FAIM: variants seen among roughly 807,000 people sequenced by gnomAD.
The protein encoded by FAIM is Fas apoptotic inhibitory molecule.
In FAIM, 14 loss-of-function variants were observed where a neutral mutation model predicts 21.2. The observed-to-expected ratio is 0.66, with a 90% CI of 0.44 to 1.03. The LOEUF (loss-of-function observed/expected upper bound fraction) is 1.03, where lower values mean the gene tolerates loss of function less well. Ranked by LOEUF, FAIM falls within the 50% of genes least tolerant of loss-of-function variation. The pLI, the probability that FAIM is intolerant of heterozygous loss-of-function variation, is 0.00. For synonymous variants in FAIM, 86 were observed against 80.4 expected (o/e 1.07, Z -0.37); for missense variants, 222 against 247.1 (o/e 0.90, Z 0.68).
At position 138,633,218 on chromosome 3, in the gene FAIM, G is replaced by A; in HGVS notation, c.*139G>A. Reference sequence around the variant, plus strand: ...AAGTTACATGAAACTAACATTCCAAGGGTCAGGAAAAAAACCAATTATGTA... The same window carrying A: ...AAGTTACATGAAACTAACATTCCAAAGGTCAGGAAAAAAACCAATTATGTA... On this transcript the variant is annotated 3_prime_UTR_variant, in exon 6 of 6. Transcript: ENST00000360570. 1.4e-6 allele frequency: 1 copy of A among 717,282 alleles called. No individual in the cohort carries two copies. The highest frequency in any genetic ancestry group is 2.0e-6 in the Non-Finnish European group (1 of 492,922). The allele number at this position is 717,282 out of a possible 1,614,324, so 44.4% of individuals were successfully genotyped here.
intron 1 of FAIM, among the ~76,000 whole-genome samples, chr3:138,612,087 T>G (rs566980093): frequency 2.0e-5 from 3 of 148,704 alleles, no homozygotes; most frequent in Non-Finnish European, 3.0e-5. Flanking sequence ...TGTCATTTTT[T>G]GTCTGGCTAT....
chr3:138,631,934 T>C (rs550908464), intron 5 of FAIM, among the ~76,000 whole-genome samples: 18 of 152,232 alleles, frequency 1.2e-4, no homozygotes, highest in African/African-American at 4.3e-4. Context: ...GTGCCTTCTT[T>C]GGCTTGGTTT....
intron 4 of FAIM, among the ~76,000 whole-genome samples, chr3:138,627,790 C>T (rs1430472958): frequency 6.6e-6 from 1 of 152,078 alleles, no homozygotes; most frequent in Non-Finnish European, 1.5e-5. Context: ...TTCTCTTTTT[C>T]CATCTAGCGC....
intron 4 of FAIM, among the ~76,000 whole-genome samples, chr3:138,624,490 A>T (rs1411266143): frequency 6.6e-6 from 1 of 152,056 alleles, no homozygotes; most frequent in Non-Finnish European, 1.5e-5. Flanking sequence ...GCAATCCCTC[A>T]TGAGCCTGGA....
intron 1 of FAIM, among the ~76,000 whole-genome samples, chr3:138,616,931 T>A (rs1315352541): frequency 6.6e-6 from 1 of 152,162 alleles, no homozygotes; most frequent in Non-Finnish European, 1.5e-5. Context: ...ATTGCTTCAG[T>A]ACTTACTCTT....
intron 4 of FAIM, among the ~76,000 whole-genome samples, chr3:138,622,949 GA>G: frequency 6.7e-6 from 1 of 150,078 alleles, no homozygotes; most frequent in African/African-American, 2.5e-5. Flanking sequence ...TGAGGCAGGG[GA>G]AATCACTTGA....
intron 4 of FAIM, among the ~76,000 whole-genome samples, chr3:138,623,680 C>T (rs1038236159): frequency 1.4e-4 from 22 of 152,146 alleles, no homozygotes; most frequent in African/African-American, 5.1e-4. Context: ...TCTTTTCATT[C>T]TTAACAACAA....
At position 138,622,281 on chromosome 3, in the gene FAIM, G is replaced by A. The variant is rs574122735; in HGVS notation, c.271G>A (p.Ala91Thr). The change falls in exon 4 of 6, where the codon GCT becomes ACT. Residue 91 changes from alanine to threonine, a missense_variant. By Grantham distance (58) the Ala-to-Thr change is moderately conservative. Transcript: ENST00000360570. ...GACAAAAGCGACCATAAATATAGAC[G>A]CTATCAGTGGTTTTGCTTATGAATA... ...AKTKATINID[A>T]ISGFAYEYTL... 15 of 1,613,892 alleles carry A rather than the reference G, an allele frequency of 9.3e-6. No homozygotes were observed. In the African/African-American group the frequency reaches 1.1e-4, roughly 11 times the overall value.
chr3:138,628,516 T>G (rs1040794759), intron 4 of FAIM, among the ~76,000 whole-genome samples: 50 of 151,892 alleles, frequency 3.3e-4, no homozygotes, highest in East Asian at 2.9e-3. Context: ...ATGGAGTCTT[T>G]CTCTGTTGCC....
chr3:138,626,889 G>T (rs1044524221), intron 4 of FAIM, among the ~76,000 whole-genome samples: 10 of 152,316 alleles, frequency 6.6e-5, no homozygotes, highest in African/African-American at 1.7e-4. Context: ...CATTCTGCTA[G>T]GTGAAGCAAT....
At chr3:138,611,426 G>T (rs2108331739) in intron 1 of FAIM, among the ~76,000 whole-genome samples, 1 of 152,106 alleles carries the variant, frequency 6.6e-6, no homozygotes, top group South Asian at 2.1e-4. Flanking sequence ...CAATTTTTTA[G>T]TGTACAATTC....
intron 1 of FAIM, among the ~76,000 whole-genome samples, chr3:138,613,011 CTT>C (rs35341179): frequency 3.5e-5 from 5 of 142,050 alleles, no homozygotes; most frequent in Non-Finnish European, 1.5e-5. Context: ...AGTCCTTTGC[CTT>C]TTTTTTTTTT....
intron 1 of FAIM, among the ~76,000 whole-genome samples, chr3:138,609,565 T>TCC: frequency 2.1e-5 from 2 of 94,298 alleles, no homozygotes; most frequent in African/African-American, 8.2e-5. Flanking sequence ...TCTCTCTCTC[T>TCC]CTCTCTCTCT....
At chr3:138,615,334 G>A (rs981076793) in intron 1 of FAIM, among the ~76,000 whole-genome samples, 1 of 152,344 alleles carries the variant, frequency 6.6e-6, no homozygotes, top group Admixed American at 6.5e-5. Context: ...TGACTTTGGA[G>A]TGCTTTCAGA....
chr3:138,628,036 T>C (rs2042958431), intron 4 of FAIM, among the ~76,000 whole-genome samples: 1 of 152,104 alleles, frequency 6.6e-6, no homozygotes, highest in African/African-American at 2.4e-5. Context: ...TAGTCTTCTC[T>C]CCTGCTACTC....
chr3:138,617,792 T>C (rs2042843131), intron 1 of FAIM, among the ~76,000 whole-genome samples: 1 of 145,746 alleles, frequency 6.9e-6, no homozygotes, highest in Non-Finnish European at 1.5e-5. Flanking sequence ...ATATATAATA[T>C]ATATTATTAT....
At chr3:138,609,462 C>G (rs1376560269) in intron 1 of FAIM, among the ~76,000 whole-genome samples, 2 of 150,014 alleles carry the variant, frequency 1.3e-5, no homozygotes, top group Non-Finnish European at 3.0e-5. Context: ...GGTGTATATT[C>G]TTCCAGATGG....
chr3:138,609,593 ACTCTCTCTCTCTCTCTCTCGACTCTCT>A (rs2042742537), intron 1 of FAIM, among the ~76,000 whole-genome samples: 2 of 26,782 alleles, frequency 7.5e-5, no homozygotes, highest in African/African-American at 5.7e-4. Context: ...CTCTCTCTCG[ACTCTCTCTCTCTCTCTCTCGACTCTCT>A]CTCTCTCTCT....
intron 1 of FAIM, among the ~76,000 whole-genome samples, chr3:138,619,326 C>T (rs1577010704): frequency 6.6e-6 from 1 of 152,326 alleles, no homozygotes; most frequent in East Asian, 1.9e-4. Flanking sequence ...TTCCCTGACT[C>T]ATAGCCTTGG....
Sources: allele counts gnomAD v4.1 joint callset (sites outside exome capture counted in the v4.1 genomes callset), GRCh38; gene constraint gnomAD v4.1.1; transcripts MANE v1.5; gene names NCBI Gene and HGNC (gene_info 2026-07-23, HGNC 2026-07-21).